AGBL1: variants seen among roughly 807,000 people sequenced by gnomAD.
AGBL1 encodes AGBL carboxypeptidase 1, also known as cytosolic carboxypeptidase 4.
A neutral mutation model predicts 118.9 loss-of-function variants in AGBL1; 130 were observed. The observed-to-expected ratio is 1.09, with a 90% confidence interval of 0.95 to 1.26. AGBL1 has a LOEUF of 1.26. AGBL1 is among the 50% of genes most tolerant of loss of function. The probability of loss-of-function intolerance (pLI) is 0.00; values close to 1 mark genes in which losing one functional copy is unlikely to be tolerated. For synonymous variants in AGBL1, 555 were observed against 478.9 expected (o/e 1.16, Z -2.08); for missense variants, 1,584 against 1,298.1 (o/e 1.22, Z -3.38).
intron 17 of AGBL1, among the ~76,000 whole-genome samples, chr15:86,324,955 G>A (rs1486048998): frequency 6.6e-6 from 1 of 152,152 alleles, no homozygotes; most frequent in African/African-American, 2.4e-5. Flanking sequence ...GAAAGGAGGT[G>A]AGGGTGACTG....
At chr15:86,407,402 C>A (rs1245804709) in intron 18 of AGBL1, among the ~76,000 whole-genome samples, 1 of 152,116 alleles carries the variant, frequency 6.6e-6, no homozygotes, top group African/African-American at 2.4e-5. Flanking sequence ...AGACAATCAT[C>A]CTGGTGTCTT....
chr15:87,008,248 G>T (rs2081523969), intron 24 of AGBL1, among the ~76,000 whole-genome samples: 1 of 152,152 alleles, frequency 6.6e-6, no homozygotes, highest in African/African-American at 2.4e-5. Context: ...TTGTGGGAGG[G>T]ACCCAGTGGG....
intron 15 of AGBL1, among the ~76,000 whole-genome samples, chr15:86,275,340 A>G (rs1043219009): frequency 6.6e-6 from 1 of 152,210 alleles, no homozygotes; most frequent in African/African-American, 2.4e-5. Flanking sequence ...TGGGATCTCA[A>G]GAGAGAGATC....
At chr15:86,750,350 A>G (rs2077830779) in intron 22 of AGBL1, among the ~76,000 whole-genome samples, 1 of 152,020 alleles carries the variant, frequency 6.6e-6, no homozygotes, top group Admixed American at 6.6e-5. Context: ...TACAATGTGT[A>G]ATGATCAAAT....
intron 24 of AGBL1, among the ~76,000 whole-genome samples, chr15:87,006,554 G>T (rs1246672123): frequency 6.6e-6 from 1 of 152,158 alleles, no homozygotes; most frequent in East Asian, 1.9e-4. Context: ...TGCAGTATTA[G>T]GGTGAGAGTG....
At chr15:86,353,047 C>T (rs2080655401) in intron 17 of AGBL1, among the ~76,000 whole-genome samples, 1 of 152,106 alleles carries the variant, frequency 6.6e-6, no homozygotes, top group Non-Finnish European at 1.5e-5. Flanking sequence ...TTTTATAAAG[C>T]ATCTGTTGCA....
chr15:86,622,470 A>T (rs568021954), intron 21 of AGBL1, among the ~76,000 whole-genome samples: 175 of 152,346 alleles, frequency 1.1e-3, no homozygotes, highest in African/African-American at 4.2e-3. Flanking sequence ...TCATGGAAAG[A>T]TATAAAATCG....
chr15:86,684,419 T>A (rs1269363198), intron 22 of AGBL1, among the ~76,000 whole-genome samples: 3 of 152,104 alleles, frequency 2.0e-5, no homozygotes, highest in African/African-American at 7.2e-5. Flanking sequence ...TCCTGTAAAT[T>A]TCCATGAAGT....
intron 21 of AGBL1, among the ~76,000 whole-genome samples, chr15:86,604,405 G>T (rs1480758291): frequency 1.3e-5 from 2 of 152,130 alleles, no homozygotes; most frequent in African/African-American, 4.8e-5. Context: ...TTTCATCGAG[G>T]TTATGGGACT....
intron 18 of AGBL1, among the ~76,000 whole-genome samples, chr15:86,514,157 C>CACAT (rs1480251266): frequency 6.6e-6 from 1 of 151,284 alleles, no homozygotes; most frequent in East Asian, 1.9e-4. Context: ...CACACACACA[C>CACAT]ACACATACAC....
intron 20 of AGBL1, among the ~76,000 whole-genome samples, chr15:86,553,886 T>C (rs569992890): frequency 2.0e-5 from 3 of 151,946 alleles, no homozygotes; most frequent in African/African-American, 7.2e-5. Context: ...TTTGATATGC[T>C]GTCTCACTCT....
At chr15:86,477,143 C>G (rs2082571686) in intron 18 of AGBL1, among the ~76,000 whole-genome samples, 1 of 151,980 alleles carries the variant, frequency 6.6e-6, no homozygotes, top group Non-Finnish European at 1.5e-5. Context: ...AGATCTAAAA[C>G]TGACACCCTA....
At chr15:86,158,839 TGCCC>T in intron 4 of AGBL1, 90 bp from the exon 5 acceptor site, 2 of 1,016,048 alleles carry the variant, frequency 2.0e-6, no homozygotes, top group Non-Finnish European at 3.1e-6. Flanking sequence ...TTTATCAAGT[TGCCC>T]CTTAAAGATT....
intron 18 of AGBL1, among the ~76,000 whole-genome samples, chr15:86,433,266 C>CTTTTTTTTTTTTTTTTTTTTTTTT (rs59417397): frequency 8.0e-5 from 6 of 74,878 alleles, no homozygotes; most frequent in African/African-American, 1.6e-4. Context: ...CCTCCTTCTT[C>CTTTTTTTTTTTTTTTTTTTTTTTT]TTTTTTTTTT....
intron 22 of AGBL1, among the ~76,000 whole-genome samples, chr15:86,773,058 C>A (rs1265351525): frequency 6.6e-6 from 1 of 152,044 alleles, no homozygotes; most frequent in African/African-American, 2.4e-5. Flanking sequence ...TTTTCGGAAT[C>A]AAGGGTGCAC....
chr15:86,646,536 T>G (rs1028227618), intron 21 of AGBL1, among the ~76,000 whole-genome samples: 2 of 152,222 alleles, frequency 1.3e-5, no homozygotes, highest in African/African-American at 4.8e-5. Context: ...GTGTCTCATG[T>G]TCCCTTCCCA....
intron 22 of AGBL1, among the ~76,000 whole-genome samples, chr15:86,897,644 T>C (rs1414036793): frequency 6.6e-6 from 1 of 151,844 alleles, no homozygotes; most frequent in Non-Finnish European, 1.5e-5. Context: ...TTGTCACTGA[T>C]TTTCCCCCCA....
intron 21 of AGBL1, among the ~76,000 whole-genome samples, chr15:86,604,079 C>T (rs1204600531): frequency 1.3e-5 from 2 of 150,910 alleles, no homozygotes; most frequent in African/African-American, 5.0e-5. Flanking sequence ...GACCATCCAC[C>T]TATACAAATT....
chr15:86,431,302 C>G (rs537901664), intron 18 of AGBL1, among the ~76,000 whole-genome samples: 1 of 152,174 alleles, frequency 6.6e-6, no homozygotes, highest in Non-Finnish European at 1.5e-5. Context: ...GCCCTACTTT[C>G]TTATAAGTAA....
Sources: gnomAD v4.1 joint callset for allele counts (sites outside exome capture counted in the v4.1 genomes callset) on GRCh38, gnomAD v4.1.1 for gene constraint, MANE v1.5 for transcripts, NCBI Gene and HGNC (gene_info 2026-07-23, HGNC 2026-07-21) for gene names.